Variants in SCRN3 observed in about 807,000 individuals in gnomAD.
The protein encoded by SCRN3 is secernin 3, also known as secernin-3.
A neutral mutation model predicts 43.1 loss-of-function variants in SCRN3; 39 were observed. The ratio of observed to expected loss-of-function variants is 0.91; its 90% CI spans 0.70 to 1.18. The LOEUF (loss-of-function observed/expected upper bound fraction) is 1.18, where lower values mean the gene tolerates loss of function less well. Among genes scored for constraint, SCRN3 ranks in the 50% most tolerant of loss-of-function variants. The pLI is 0.00. For synonymous variants in SCRN3, 147 were observed against 163.1 expected (o/e 0.90, Z 0.75); for missense variants, 484 against 498.0 (o/e 0.97, Z 0.27).
Position 174,400,431 on chromosome 2 carries a change from C to A in SCRN3, c.341+328C>A, listed in dbSNP as rs370588526. Among the ~76,000 whole-genome samples, 18 of 152,140 alleles carry A rather than the reference C, an allele frequency of 1.2e-4. No individual in the cohort carries two copies. The South Asian group carries it at 3.7e-3, about 32-fold the overall frequency. On this transcript the variant is annotated intron_variant, in intron 3 of 7. Coordinates refer to ENST00000272732, the MANE Select transcript of SCRN3 (RefSeq NM_024583.5). ...TCACCCAAGTAGCTTGGATCAAAGGCACGTGCCACCACACCTGGCTAATTT... is the reference window on the plus strand; with the variant it reads ...TCACCCAAGTAGCTTGGATCAAAGGAACGTGCCACCACACCTGGCTAATTT...
At position 174,422,947 on chromosome 2, in the gene SCRN3, G is replaced by C. The variant is rs1264156447; in HGVS notation, c.817G>C (p.Glu273Gln). 6.2e-7 allele frequency: 1 copy of C among 1,612,178 alleles called. No homozygotes were observed. Among genetic ancestry groups the C allele is most frequent in the Non-Finnish European group, 8.5e-7 (1 of 1,178,360 alleles). Residue 273 changes from glutamate (E) to glutamine (Q), a missense_variant, in exon 6 of 8, where the codon GAG (glutamate) becomes CAG (glutamine). Coordinates refer to ENST00000272732, the MANE Select transcript of SCRN3 (RefSeq NM_024583.5). ...LRDKPSGINMEGEFLTTASMV... is the reference protein window; with the variant it reads ...LRDKPSGINMQGEFLTTASMV... ...AGATAAACCAAGTGGCATTAATATG[G>C]AGGGAGAATTCCTGACCACTGCAAG...
intron 2 of SCRN3, among the ~76,000 whole-genome samples, 165 bp downstream of exon 2, chr2:174,398,607 C>T (rs34027857): frequency 0.2 from 29,665 of 151,972 alleles, 3,386 homozygotes; most frequent in Middle Eastern, 0.37. Context: ...TTCAGTGATT[C>T]GGAGGACGTT....
intron 5 of SCRN3, among the ~76,000 whole-genome samples, chr2:174,412,276 A>G (rs1200868827): frequency 6.6e-6 from 1 of 152,148 alleles, no homozygotes. Context: ...GCTCCAAGAG[A>G]AACCTTCTTT....
chr2:174,406,895 A>T (rs1200015225), intron 5 of SCRN3, among the ~76,000 whole-genome samples: 1 of 128,092 alleles, frequency 7.8e-6, no homozygotes, highest in Non-Finnish European at 1.8e-5. Flanking sequence ...ATCAATGTTC[A>T]TCAAGGATAT....
In SCRN3 at chr2:174,412,279, CCTT is replaced by C. The variant is rs746083597; in HGVS notation, c.754+7968_754+7970del. The stretch of plus-strand genomic sequence containing the variant: ...TCAACAGAAAGAGCTCCAAGAGAAA[CCTT>C]CTTTTTCTTGTCTGAGGAGAGGGAA... On this transcript the variant is annotated intron_variant, in intron 5 of 7. Transcript: ENST00000272732. Among the ~76,000 whole-genome samples, 16 of 152,170 alleles carry C rather than the reference CCTT, an allele frequency of 1.1e-4. 1 individual carries two copies. The East Asian group carries it at 1.5e-3, about 15-fold the overall frequency.
intron 2 of SCRN3, 100 bp downstream of exon 2, chr2:174,398,542 T>A (rs1342070443): frequency 9.8e-7 from 1 of 1,021,742 alleles, no homozygotes; most frequent in African/African-American, 1.7e-5. Flanking sequence ...AAGTTAAAAT[T>A]GAGGAGTTTA....
At chr2:174,422,211 A>G (rs992738304) in intron 5 of SCRN3, among the ~76,000 whole-genome samples, 2 of 152,160 alleles carry the variant, frequency 1.3e-5, no homozygotes, top group African/African-American at 4.8e-5. Context: ...GGATTGCTTA[A>G]GGCCAGGCAT....
At chr2:174,400,124 A>G (rs752971056) in intron 3 of SCRN3, 21 bp downstream of exon 3, 1 of 1,491,920 alleles carries the variant, frequency 6.7e-7, no homozygotes, top group Admixed American at 2.3e-5. Context: ...GTTACATTTT[A>G]TACTACAGAC....
In SCRN3 at chr2:174,424,518, C is replaced by G; in HGVS notation, c.961C>G (p.Leu321Val). ...CATATTTGTGCCACATATTTCACAA[C>G]TATTGGATACCAGTTCACCAACATT... is the stretch of plus-strand genomic sequence containing the variant. ...PFIFVPHISQLLDTSSPTFEL... is the reference protein window; with the variant it reads ...PFIFVPHISQVLDTSSPTFEL... Residue 321 changes from leucine to valine, a missense_variant, in exon 7 of 8, where the codon CTA (leucine) becomes GTA (valine). Coordinates refer to ENST00000272732, the MANE Select transcript of SCRN3 (RefSeq NM_024583.5). 5 of 1,612,312 alleles carry G rather than the reference C, an allele frequency of 3.1e-6. No individual in the cohort carries two copies. The highest frequency in any genetic ancestry group is 4.2e-6 in the Non-Finnish European group (5 of 1,178,870).
chr2:174,395,914 G>T, intron 1 of SCRN3, 97 bp downstream of exon 1: 1 of 1,423,378 alleles, frequency 7.0e-7, no homozygotes, highest in South Asian at 1.5e-5. Context: ...GGGCTCCGGA[G>T]CCCAGCTGCA....
chr2:174,398,067 G>A, intron 1 of SCRN3: 1 of 289,408 alleles, frequency 3.5e-6, no homozygotes, highest in Non-Finnish European at 6.4e-6. Context: ...GTTCCAGGCT[G>A]CAGTAAGCCC....
intron 7 of SCRN3, among the ~76,000 whole-genome samples, chr2:174,426,830 TTTTA>T (rs1256653745): frequency 2.0e-5 from 3 of 151,658 alleles, no homozygotes; most frequent in African/African-American, 7.3e-5. Flanking sequence ...TCTAGTAACT[TTTTA>T]TTTATTTATT....
chr2:174,427,659 T>G, intron 7 of SCRN3, 54 bp from the exon 8 acceptor site: 1 of 1,115,020 alleles, frequency 9.0e-7, no homozygotes, highest in Non-Finnish European at 1.2e-6. Flanking sequence ...TTGAATTTGG[T>G]TAGATTTATG....
downstream of SCRN3, among the ~76,000 whole-genome samples, chr2:174,429,751 C>G (rs532176124): frequency 8.5e-5 from 13 of 152,244 alleles, no homozygotes; most frequent in Non-Finnish European, 1.8e-4. Flanking sequence ...TTTCACTGCC[C>G]TAAAAATCTT....
intron 5 of SCRN3, among the ~76,000 whole-genome samples, chr2:174,415,025 A>G (rs1678928000): frequency 6.6e-6 from 1 of 152,196 alleles, no homozygotes; most frequent in African/African-American, 2.4e-5. Flanking sequence ...TTGGCCTCCC[A>G]AAGTGCTGGG....
rs1224103018 is a variant in SCRN3 at position 174,401,107 on chromosome 2, C to T, written c.459C>T (p.His153=). Residue 153 remains histidine (H), a synonymous_variant, in exon 4 of 8, where the codon CAC becomes CAT. Transcript: ENST00000272732. The part of the protein sequence containing the change: ...CTEGRMVFSY[H]NSFLIADRNE... ...AGGGTAGAATGGTATTTAGCTATCA[C>T]AACAGTTTCCTGATAGCTGATAGGA... 6.2e-7 allele frequency: 1 copy of T among 1,613,790 alleles called. No homozygotes were observed. Among genetic ancestry groups the T allele is most frequent in the Admixed American group, 1.7e-5 (1 of 59,956 alleles).
At position 174,401,185 on chromosome 2, in the gene SCRN3, A is replaced by C; in HGVS notation, c.537A>C (p.Val179=). The C allele has an allele frequency of 1.9e-6, 3 of 1,613,394 alleles. No individual in the cohort carries two copies. Among genetic ancestry groups the C allele is most frequent in the Non-Finnish European group, 2.5e-6 (3 of 1,179,436 alleles). ...TAGKYWAAEK[V]QEGVRNISNQ... ...GGAAGTACTGGGCAGCAGAAAAAGT[A>C]CAAGGTATGGACAACTTTTTGTGAT... The change falls in exon 4 of 8, where the codon GTA becomes GTC. Residue 179 remains valine, a synonymous_variant. Coordinates refer to ENST00000272732, the MANE Select transcript of SCRN3 (RefSeq NM_024583.5).
rs142205499 is a variant in SCRN3, at chr2:174,399,976, C to A, written c.214C>A (p.Arg72Ser). The change falls in exon 3 of 8, where the codon CGC (arginine) becomes AGC (serine). Residue 72 changes from arginine to serine, a missense_variant. Arg to Ser is a moderately radical substitution (Grantham distance 110). Coordinates refer to ENST00000272732, the MANE Select transcript of SCRN3 (RefSeq NM_024583.5). Reference sequence around the variant, plus strand: ...TGAAACATATGCTGTTGTCCTGAGTCGCCCAGCGTGGTTGTGGGGGGCAGA... The same window carrying A: ...TGAAACATATGCTGTTGTCCTGAGTAGCCCAGCGTGGTTGTGGGGGGCAGA... ...VPETYAVVLS[R>S]PAWLWGAEMG... 1 of 1,579,058 alleles carries A rather than the reference C, an allele frequency of 6.3e-7. No homozygotes were observed. Among genetic ancestry groups the A allele is most frequent in the African/African-American group, 1.4e-5 (1 of 71,356 alleles).
rs2105643499 is a variant in SCRN3 at position 174,429,415 on chromosome 2, A to G, written c.*1520A>G. ...AGTCACTGCAGCCAATCTATTACAA[A>G]TTTAAATCTGATTATGAATTCCCCT... is the stretch of plus-strand genomic sequence containing the variant. On this transcript the variant is annotated 3_prime_UTR_variant, in exon 8 of 8. Coordinates refer to ENST00000272732, the MANE Select transcript of SCRN3 (RefSeq NM_024583.5). 6.6e-6 allele frequency: 1 copy of G among 152,274 alleles called. No individual in the cohort carries two copies. Among genetic ancestry groups the G allele is most frequent in the East Asian group, 1.9e-4 (1 of 5,190 alleles). 9.4% of individuals were successfully genotyped at this position (152,274 alleles called of 1,614,324 possible).
Sources: allele counts gnomAD v4.1 joint callset (sites outside exome capture counted in the v4.1 genomes callset), GRCh38; gene constraint gnomAD v4.1.1; transcripts MANE v1.5; gene names NCBI Gene and HGNC (gene_info 2026-07-23, HGNC 2026-07-21).